The following BAZ2B variants were observed in gnomAD, a reference collection of about 807,000 sequenced individuals.
The protein encoded by BAZ2B is bromodomain adjacent to zinc finger domain 2B.
Under a neutral mutation model 246.0 loss-of-function variants are expected in BAZ2B, and 91 were observed. That is an observed-to-expected ratio of 0.37 (90% CI 0.31 to 0.44). The LOEUF is 0.44. BAZ2B is among the 20% of genes least tolerant of loss of function. The pLI, the probability that BAZ2B is intolerant of heterozygous loss-of-function variation, is 1.00. For synonymous variants in BAZ2B, 855 were observed against 860.0 expected, an observed-to-expected ratio of 0.99 and a Z score of 0.10; for missense variants, 2,332 against 2,533.7, an observed-to-expected ratio of 0.92 and a Z score of 1.71.
chr2:159,385,170 C>T lies in BAZ2B; in HGVS notation c.3671G>A (p.Ser1224Asn), dbSNP rs1291622685. Residue 1224 changes from serine (S) to asparagine (N), a missense_variant, in exon 23 of 37, where the codon AGC becomes AAC. Transcript: ENST00000392783. ...ATATGCTCACCTGACCACACTCTTGCTGCATGCCAGTTCATTGATCAGGAA... is the reference window on the plus strand; with the variant it reads ...ATATGCTCACCTGACCACACTCTTGTTGCATGCCAGTTCATTGATCAGGAA... The part of the protein sequence containing the change: ...LAFLINELAC[S>N]KSVVSEIDKN... 6.2e-7 allele frequency: 1 copy of T among 1,613,320 alleles called. No homozygotes were observed. The highest frequency in any genetic ancestry group is 1.1e-5 in the South Asian group (1 of 91,050).
chr2:159,510,565 TA>T (rs2082817227), intron 2 of BAZ2B, among the ~76,000 whole-genome samples: 1 of 152,192 alleles, frequency 6.6e-6, no homozygotes, highest in African/African-American at 2.4e-5. Flanking sequence ...GCTGTGAATG[TA>T]ATTAAGACCA....
At chr2:159,357,640 A>G (rs1201837771) in intron 27 of BAZ2B, among the ~76,000 whole-genome samples, 2 of 152,180 alleles carry the variant, frequency 1.3e-5, no homozygotes, top group Non-Finnish European at 2.9e-5. Flanking sequence ...CCTTGAGAAG[A>G]GCAACCCCAA....
chr2:159,504,059 C>T (rs1194225011), intron 2 of BAZ2B, among the ~76,000 whole-genome samples: 1 of 152,050 alleles, frequency 6.6e-6, no homozygotes, highest in African/African-American at 2.4e-5. Flanking sequence ...ATTAAATAAA[C>T]ATGACTTGCA....
At chr2:159,586,010 T>C (rs1266064069) in intron 1 of BAZ2B, among the ~76,000 whole-genome samples, 2 of 152,224 alleles carry the variant, frequency 1.3e-5, no homozygotes, top group East Asian at 3.8e-4. Context: ...AAACTTTAAG[T>C]ATGAGTAAGG....
At chr2:159,708,156 T>C in the BAZ2B span, among the ~76,000 whole-genome samples, 3 of 151,964 alleles carry the variant, frequency 2.0e-5, no homozygotes, top group African/African-American at 7.3e-5. Flanking sequence ...AGCCCCACAC[T>C]GTGGTGGCAC....
intron 36 of BAZ2B, among the ~76,000 whole-genome samples, chr2:159,323,002 T>G (rs2062905251): frequency 1.3e-5 from 2 of 151,682 alleles, no homozygotes; most frequent in Non-Finnish European, 2.9e-5. Flanking sequence ...AGCTTTTTTT[T>G]TTTTTTTTGA....
At chr2:159,604,932 T>TTGTGTGTG (rs144735173) in intron 1 of BAZ2B, among the ~76,000 whole-genome samples, 44,264 of 123,186 alleles carry the variant, frequency 0.36, 6,761 homozygotes, top group Admixed American at 0.45. Flanking sequence ...TTAATATATT[T>TTGTGTGTG]TGTGTGTGTG....
chr2:159,550,932 C>T (rs944976647), intron 2 of BAZ2B, among the ~76,000 whole-genome samples: 1 of 152,166 alleles, frequency 6.6e-6, no homozygotes, highest in African/African-American at 2.4e-5. Context: ...AACTCCTGGA[C>T]TCAAGCAATC....
intron 1 of BAZ2B, among the ~76,000 whole-genome samples, chr2:159,602,943 C>T (rs1194955170): frequency 6.6e-6 from 1 of 152,118 alleles, no homozygotes; most frequent in Non-Finnish European, 1.5e-5. Context: ...TCAAGACCAG[C>T]CAGGTCAATA....
At chr2:159,354,586 C>A (rs561931060) in intron 27 of BAZ2B, among the ~76,000 whole-genome samples, 1 of 152,072 alleles carries the variant, frequency 6.6e-6, no homozygotes, top group African/African-American at 2.4e-5. Context: ...CATGACCTCA[C>A]GTGATCCGCA....
chr2:159,412,053 T>G, intron 14 of BAZ2B: 1 of 769,366 alleles, frequency 1.3e-6, no homozygotes. Context: ...TGCCAAGTGC[T>G]GGTTGATTCC....
the BAZ2B span, among the ~76,000 whole-genome samples, chr2:159,676,987 T>C: frequency 7.8e-6 from 1 of 127,886 alleles, no homozygotes; most frequent in African/African-American, 3.0e-5. Flanking sequence ...TATATATATA[T>C]ATATATATTA....
intron 31 of BAZ2B, among the ~76,000 whole-genome samples, chr2:159,343,636 T>C (rs2067153539): frequency 6.6e-6 from 1 of 151,628 alleles, no homozygotes; most frequent in Non-Finnish European, 1.5e-5. Flanking sequence ...CCAACAAATA[T>C]ATGAAAAAAT....
At chr2:159,425,559 A>G (rs1296684590) in intron 13 of BAZ2B, among the ~76,000 whole-genome samples, 1 of 152,224 alleles carries the variant, frequency 6.6e-6, no homozygotes, top group African/African-American at 2.4e-5. Flanking sequence ...AGCAAAAAAA[A>G]TCCTTTGTTA....
At chr2:159,614,409 CTT>C (rs1695407833) in intron 1 of BAZ2B, among the ~76,000 whole-genome samples, 1 of 152,070 alleles carries the variant, frequency 6.6e-6, no homozygotes. Context: ...TATCCATTAT[CTT>C]AAGGTATTTT....
intron 1 of BAZ2B, among the ~76,000 whole-genome samples, chr2:159,597,182 T>G (rs1690915712): frequency 6.6e-6 from 1 of 152,228 alleles, no homozygotes; most frequent in Non-Finnish European, 1.5e-5. Flanking sequence ...TGTTGGCCAC[T>G]TGTATATCTT....
At chr2:159,711,009 T>G in the BAZ2B span, 1 of 152,218 alleles carries the variant, frequency 6.6e-6, no homozygotes, top group South Asian at 2.1e-4. Flanking sequence ...TGTTATCTCA[T>G]CTAAACAATG....
At chr2:159,593,644 TC>T (rs1161263568) in intron 1 of BAZ2B, among the ~76,000 whole-genome samples, 1 of 152,186 alleles carries the variant, frequency 6.6e-6, no homozygotes, top group African/African-American at 2.4e-5. Flanking sequence ...TTTCATGCCT[TC>T]CCCCTCAAAC....
intron 2 of BAZ2B, among the ~76,000 whole-genome samples, chr2:159,501,196 T>A (rs1262189994): frequency 9.5e-6 from 1 of 105,624 alleles, no homozygotes; most frequent in Non-Finnish European, 1.9e-5. Flanking sequence ...ATATATAATA[T>A]ATATATTTTT....
Sources: gnomAD v4.1 joint callset for allele counts (sites outside exome capture counted in the v4.1 genomes callset) on GRCh38, gnomAD v4.1.1 for gene constraint, MANE v1.5 for transcripts, NCBI Gene and HGNC (gene_info 2026-07-23, HGNC 2026-07-21) for gene names.